KCNMB2: variants seen among roughly 807,000 people sequenced by gnomAD.
KCNMB2 encodes calcium-activated potassium channel subunit beta-2.
KCNMB2 carries 9 observed loss-of-function variants against 24.5 expected under a neutral mutation model. The observed-to-expected ratio is 0.37, with a 90% CI of 0.22 to 0.64. The LOEUF (loss-of-function observed/expected upper bound fraction) is 0.64. Among genes scored for constraint, KCNMB2 ranks in the 30% least tolerant of loss-of-function variants. KCNMB2 has a pLI of 0.63. For synonymous variants in KCNMB2, 109 were observed against 104.4 expected, an observed-to-expected ratio of 1.04 and a Z score of -0.27; for missense variants, 226 against 284.3, an observed-to-expected ratio of 0.79 and a Z score of 1.47.
intron 1 of KCNMB2, among the ~76,000 whole-genome samples, chr3:178,544,083 G>A (rs1274449361): frequency 6.6e-6 from 1 of 152,078 alleles, no homozygotes; most frequent in Non-Finnish European, 1.5e-5. Context: ...TGCTCAATAA[G>A]TGTTTCTTGA....
At chr3:178,794,918 A>C (rs1163639522) in intron 1 of KCNMB2, among the ~76,000 whole-genome samples, 1 of 152,306 alleles carries the variant, frequency 6.6e-6, no homozygotes, top group Middle Eastern at 3.4e-3. Context: ...ATGGCAAGTC[A>C]TGCCTGGCTA....
intron 1 of KCNMB2, among the ~76,000 whole-genome samples, chr3:178,575,116 A>G (rs1716944744): frequency 6.6e-6 from 1 of 152,210 alleles, no homozygotes; most frequent in Non-Finnish European, 1.5e-5. Context: ...CTTCCATTCT[A>G]GTTGTAAGAG....
chr3:178,635,356 C>T (rs1410588408), intron 1 of KCNMB2, among the ~76,000 whole-genome samples: 1 of 151,742 alleles, frequency 6.6e-6, no homozygotes, highest in Non-Finnish European at 1.5e-5. Context: ...CCAGCAGTTA[C>T]AGGATTCTTG....
chr3:178,593,146 C>A (rs1717739472), intron 1 of KCNMB2, among the ~76,000 whole-genome samples: 1 of 151,924 alleles, frequency 6.6e-6, no homozygotes, highest in African/African-American at 2.4e-5. Context: ...GAGGCCAGAG[C>A]AGTTTATTAC....
At chr3:178,605,065 T>A (rs1160696322) in intron 1 of KCNMB2, among the ~76,000 whole-genome samples, 1 of 152,100 alleles carries the variant, frequency 6.6e-6, no homozygotes, top group African/African-American at 2.4e-5. Flanking sequence ...GTCAAGTAGT[T>A]TTTTTAGGAC....
chr3:178,751,354 G>A (rs1723839616), intron 1 of KCNMB2, among the ~76,000 whole-genome samples: 1 of 151,974 alleles, frequency 6.6e-6, no homozygotes, highest in Non-Finnish European at 1.5e-5. Flanking sequence ...GCCAAGGCAG[G>A]TGGATCACAA....
rs370561581 is a variant in KCNMB2, at chr3:178,798,851, G to A, written c.-67-8492G>A. 3.3e-4 allele frequency among the ~76,000 whole-genome samples: 50 copies of A among 151,554 alleles called. 1 individual carries two copies. In the South Asian group the frequency reaches 0.01, roughly 31 times the overall value. The stretch of plus-strand genomic sequence containing the variant: ...ACATGTTTACTTATGTAACAAACCT[G>A]CACATCCTGCACATGTACCCCAGAA... On this transcript the variant is annotated intron_variant, in intron 1 of 4. Coordinates refer to ENST00000452583, the MANE Select transcript of KCNMB2 (RefSeq NM_181361.3).
At chr3:178,580,309 ATAAAATTCAACAGCCCTTCATGC>A (rs1051482224) in intron 1 of KCNMB2, among the ~76,000 whole-genome samples, 5 of 152,170 alleles carry the variant, frequency 3.3e-5, no homozygotes, top group Admixed American at 6.5e-5. Context: ...AAGGCCTTCA[ATAAAATTCAACAGCCCTTCATGC>A]TAAAAACTCA....
chr3:178,559,633 A>C (rs906217183), intron 1 of KCNMB2, among the ~76,000 whole-genome samples: 40 of 149,924 alleles, frequency 2.7e-4, no homozygotes, highest in African/African-American at 9.9e-4. Flanking sequence ...TCTTACAAAA[A>C]CATTTAACAA....
intron 1 of KCNMB2, among the ~76,000 whole-genome samples, chr3:178,661,055 G>A (rs1394029602): frequency 6.6e-6 from 1 of 151,818 alleles, no homozygotes; most frequent in South Asian, 2.1e-4. Flanking sequence ...TGTTACATAG[G>A]TATACACGTG....
intron 1 of KCNMB2, among the ~76,000 whole-genome samples, chr3:178,680,081 G>C (rs1721214133): frequency 6.6e-6 from 1 of 152,016 alleles, no homozygotes; most frequent in South Asian, 2.1e-4. Context: ...GAGACCCCAA[G>C]GAGCTCTGGA....
intron 1 of KCNMB2, among the ~76,000 whole-genome samples, chr3:178,724,279 A>T (rs1000971096): frequency 6.6e-6 from 1 of 151,644 alleles, no homozygotes; most frequent in Non-Finnish European, 1.5e-5. Flanking sequence ...ATTTTTTCAC[A>T]TGTTTGTCGG....
intron 1 of KCNMB2, among the ~76,000 whole-genome samples, chr3:178,739,610 G>A (rs994316470): frequency 6.6e-6 from 1 of 152,140 alleles, no homozygotes; most frequent in African/African-American, 2.4e-5. Flanking sequence ...GTTGAATATA[G>A]TTTCTGAAGG....
intron 1 of KCNMB2, among the ~76,000 whole-genome samples, chr3:178,624,598 C>T (rs147086793): frequency 0.033 from 1,270 of 38,630 alleles, 21 homozygotes; most frequent in African/African-American, 0.12. Flanking sequence ...TTTTTTCTTT[C>T]TTTTTTTTTT....
At chr3:178,606,138 G>C (rs1488503151) in intron 1 of KCNMB2, among the ~76,000 whole-genome samples, 1 of 152,192 alleles carries the variant, frequency 6.6e-6, no homozygotes, top group Admixed American at 6.5e-5. Context: ...TTATAGGACA[G>C]GACCAATCTT....
chr3:178,687,864 T>C (rs1721521338), intron 1 of KCNMB2, among the ~76,000 whole-genome samples: 1 of 152,172 alleles, frequency 6.6e-6, no homozygotes, highest in Non-Finnish European at 1.5e-5. Flanking sequence ...TATTTTTAAA[T>C]AGGCTTTCTT....
chr3:178,799,380 C>T (rs995947387), intron 1 of KCNMB2, among the ~76,000 whole-genome samples: 2 of 152,106 alleles, frequency 1.3e-5, no homozygotes, highest in East Asian at 1.9e-4. Context: ...TTTCTATATG[C>T]CAACAGCAAA....
At chr3:178,573,153 C>T (rs529832783) in intron 1 of KCNMB2, among the ~76,000 whole-genome samples, 6 of 151,872 alleles carry the variant, frequency 4.0e-5, no homozygotes, top group African/African-American at 9.7e-5. Context: ...GGATTACAGG[C>T]GCCCACCACC....
chr3:178,806,432 T>C (rs1269995935), intron 1 of KCNMB2, among the ~76,000 whole-genome samples: 1 of 152,194 alleles, frequency 6.6e-6, no homozygotes, highest in Non-Finnish European at 1.5e-5. Flanking sequence ...ATTTCCCATC[T>C]CATGCTTATC....
Sources: gnomAD v4.1 joint callset for allele counts (sites outside exome capture counted in the v4.1 genomes callset) on GRCh38, gnomAD v4.1.1 for gene constraint, MANE v1.5 for transcripts, NCBI Gene and HGNC (gene_info 2026-07-23, HGNC 2026-07-21) for gene names.